The following PCDHGB2 variants were observed in gnomAD, a reference collection of about 807,000 sequenced individuals.
PCDHGB2 encodes protocadherin gamma subfamily B, 2.
PCDHGB2 carries 55 observed loss-of-function variants against 59.3 expected under a neutral mutation model. The observed-to-expected ratio is 0.93, with a 90% confidence interval of 0.75 to 1.16. The LOEUF (loss-of-function observed/expected upper bound fraction) is 1.16. Among genes scored for constraint, PCDHGB2 ranks in the 50% most tolerant of loss-of-function variants. PCDHGB2 has a pLI of 0.00. For missense variants in PCDHGB2, 1,228 were observed against 1,198.5 expected, an observed-to-expected ratio of 1.02 and a Z score of -0.36; for synonymous variants, 516 against 512.0, an observed-to-expected ratio of 1.01 and a Z score of -0.11.
Position 141,365,034 on chromosome 5 carries a change from C to T in PCDHGB2, c.2421+2478C>T, listed in dbSNP as rs759635927. The T allele has an allele frequency of 8.7e-6, 14 of 1,613,758 alleles. No homozygotes were observed. The African/African-American group carries it at 1.7e-4, about 20-fold the overall frequency. ...CACATCCGTGTTACGGTCCTCGACGCAAACGACAATGCGCCCCTGTTCACC... is the reference window on the plus strand; with the variant it reads ...CACATCCGTGTTACGGTCCTCGACGTAAACGACAATGCGCCCCTGTTCACC... On this transcript the variant is annotated intron_variant, in intron 1 of 3. Coordinates refer to ENST00000522605, the MANE Select transcript of PCDHGB2 (RefSeq NM_018923.3).
At chr5:141,409,437 G>A in intron 1 of PCDHGB2, 1 of 1,613,968 alleles carries the variant, frequency 6.2e-7, no homozygotes, top group Non-Finnish European at 8.5e-7. Context: ...GCCCTGGACC[G>A]AGAGCAGACA....
chr5:141,450,107 A>G (rs1228532939), intron 1 of PCDHGB2, among the ~76,000 whole-genome samples: 3 of 150,976 alleles, frequency 2.0e-5, no homozygotes, highest in Non-Finnish European at 4.4e-5. Flanking sequence ...CCCAGGTTCA[A>G]ATGATTCTCC....
intron 1 of PCDHGB2, among the ~76,000 whole-genome samples, chr5:141,438,623 T>C (rs1485045684): frequency 2.3e-4 from 10 of 42,840 alleles, no homozygotes; most frequent in Non-Finnish European, 3.8e-4. Flanking sequence ...TATATATATA[T>C]ATATATATAT....
intron 1 of PCDHGB2, among the ~76,000 whole-genome samples, chr5:141,464,222 G>A (rs1189319398): frequency 2.7e-5 from 4 of 147,818 alleles, no homozygotes; most frequent in African/African-American, 7.5e-5. Flanking sequence ...CTGAGATTGC[G>A]CCACTGCACT....
At chr5:141,385,585 C>G (rs1051281848) in intron 1 of PCDHGB2, 41 of 1,267,842 alleles carry the variant, frequency 3.2e-5, no homozygotes, top group Admixed American at 1.9e-4. Context: ...AATCTATGTT[C>G]CAACCTACTT....
Position 141,363,485 on chromosome 5 carries a change from T to A in PCDHGB2, c.2421+929T>A, listed in dbSNP as rs1022472652. On this transcript the variant is annotated intron_variant, in intron 1 of 3. Transcript: ENST00000522605. ...ATCTGCTCATGCTTTCCTGCATGGATGATGAAATAAAACCCCATCCTCCAC... is the reference window on the plus strand; with the variant it reads ...ATCTGCTCATGCTTTCCTGCATGGAAGATGAAATAAAACCCCATCCTCCAC... Among the ~76,000 whole-genome samples the A allele has an allele frequency of 5.9e-5, 9 of 152,236 alleles. No homozygotes were observed. The East Asian group carries it at 1.5e-3, about 26-fold the overall frequency.
In PCDHGB2 at chr5:141,418,344, T is replaced by C. The variant is rs746519142; in HGVS notation, c.2421+55788T>C. On this transcript the variant is annotated intron_variant, in intron 1 of 3. Transcript: ENST00000522605. ...CTTGAGTCTGCAGAAGATCCTGATA[T>C]TAGTATGAATTCGCTGAGCAAATAC... 4.3e-6 allele frequency: 7 copies of C among 1,613,890 alleles called. No individual in the cohort carries two copies. The highest frequency in any genetic ancestry group is 2.2e-5 in the South Asian group (2 of 91,086).
At chr5:141,385,158 T>C in intron 1 of PCDHGB2, 2 of 1,614,212 alleles carry the variant, frequency 1.2e-6, no homozygotes, top group African/African-American at 2.7e-5. Context: ...TGCAGACCTA[T>C]TCCCATGAGG....
intron 1 of PCDHGB2, chr5:141,378,871 A>G (rs1775219585): frequency 1.3e-5 from 2 of 152,236 alleles, no homozygotes; most frequent in East Asian, 3.9e-4. Flanking sequence ...TCGAATAGAA[A>G]ATGGATCACT....
intron 1 of PCDHGB2, chr5:141,404,658 C>A: frequency 6.2e-7 from 1 of 1,614,198 alleles, no homozygotes; most frequent in Non-Finnish European, 8.5e-7. Flanking sequence ...GCCCTCCCCA[C>A]TGATGGTTCT....
At chr5:141,468,560 T>G (rs571224791) in intron 1 of PCDHGB2, 1 of 152,004 alleles carries the variant, frequency 6.6e-6, no homozygotes, top group Non-Finnish European at 1.5e-5. Flanking sequence ...ATTTGTGATA[T>G]AGTAAACAAT....
At chr5:141,413,922 A>G (rs769177990) in intron 1 of PCDHGB2, 2 of 1,613,458 alleles carry the variant, frequency 1.2e-6, no homozygotes, top group Non-Finnish European at 1.7e-6. Context: ...TCACCTTGCC[A>G]GAATACCGAG....
At chr5:141,374,437 C>T in intron 1 of PCDHGB2, 2 of 1,613,846 alleles carry the variant, frequency 1.2e-6, no homozygotes, top group Non-Finnish European at 1.7e-6. Context: ...ATCTTTATCC[C>T]GTGGAAGTGG....
intron 1 of PCDHGB2, chr5:141,415,347 C>T (rs1369709460): frequency 1.9e-6 from 3 of 1,614,120 alleles, no homozygotes; most frequent in Non-Finnish European, 2.5e-6. Context: ...GGCGCTGGCA[C>T]AAGTCACGCC....
chr5:141,476,656 T>C lies in PCDHGB2; in HGVS notation c.2422-18151T>C. 1 of 1,614,210 alleles carries C rather than the reference T, an allele frequency of 6.2e-7. No individual in the cohort carries two copies. Among genetic ancestry groups the C allele is most frequent in the Non-Finnish European group, 8.5e-7 (1 of 1,180,044 alleles). On this transcript the variant is annotated intron_variant, in intron 1 of 3. Coordinates refer to ENST00000522605, the MANE Select transcript of PCDHGB2 (RefSeq NM_018923.3). This position sits in a 1 kb window ranked among gnomAD's most constrained non-coding sequence, Gnocchi z 7.6. ...ATGAGCTGAGCCGAAATGAATACTT[T>C]GCGCTTCGCGTGCAGACGCGGGAGG...
intron 1 of PCDHGB2, chr5:141,393,496 T>C (rs960048710): frequency 1.9e-6 from 3 of 1,613,940 alleles, no homozygotes; most frequent in Non-Finnish European, 8.5e-7. Flanking sequence ...ACAGTGCGCA[T>C]CCACGTGACA....
intron 1 of PCDHGB2, among the ~76,000 whole-genome samples, chr5:141,446,621 C>G (rs1284919173): frequency 6.6e-6 from 1 of 152,094 alleles, no homozygotes; most frequent in African/African-American, 2.4e-5. Context: ...GGACTACAGG[C>G]GTGCACCACC....
chr5:141,432,264 C>A lies in PCDHGB2; in HGVS notation c.2422-62543C>A. On this transcript the variant is annotated intron_variant, in intron 1 of 3. Transcript: ENST00000522605. The surrounding 1 kb of genome is among the most constrained non-coding windows in gnomAD (Gnocchi z 6.0). Reference sequence around the variant, plus strand: ...AACACCATCCAAGGGGCAAGCCTATCGTCCTACGTGTCCATCAACTCCGAC... The same window carrying A: ...AACACCATCCAAGGGGCAAGCCTATAGTCCTACGTGTCCATCAACTCCGAC... 5 of 1,614,252 alleles carry A rather than the reference C, an allele frequency of 3.1e-6. No homozygotes were observed. Among genetic ancestry groups the A allele is most frequent in the Non-Finnish European group, 4.2e-6 (5 of 1,180,044 alleles).
At position 141,489,076 on chromosome 5, in the gene PCDHGB2, C is replaced by T. The variant is rs536134432; in HGVS notation, c.2422-5731C>T. The T allele has an allele frequency of 6.1e-6, 2 of 326,424 alleles. No individual in the cohort carries two copies. Among genetic ancestry groups the T allele is most frequent in the East Asian group, 5.8e-5 (1 of 17,220 alleles). 20.2% of individuals were successfully genotyped at this position (326,424 alleles called of 1,614,324 possible). On this transcript the variant is annotated intron_variant, in intron 1 of 3. Coordinates refer to ENST00000522605, the MANE Select transcript of PCDHGB2 (RefSeq NM_018923.3). The surrounding 1 kb of genome is among the most constrained non-coding windows in gnomAD (Gnocchi z 4.5). The stretch of plus-strand genomic sequence containing the variant: ...CAGCTCCCCTCCCCCCTGCCCACCC[C>T]CGCCACTCGGTGACTAAGAACTGCT...
Sources: gnomAD v4.1 joint callset for allele counts (sites outside exome capture counted in the v4.1 genomes callset) on GRCh38, gnomAD v4.1.1 for gene constraint, Gnocchi (gnomAD v3.1) non-coding constraint, MANE v1.5 for transcripts, NCBI Gene and HGNC (gene_info 2026-07-23, HGNC 2026-07-21) for gene names.